ABCA2: variants seen among roughly 807,000 people sequenced by gnomAD.
ABCA2 encodes the protein ATP-binding cassette sub-family A member 2.
Under a neutral mutation model 262.8 loss-of-function variants are expected in ABCA2, and 84 were observed. The ratio of observed to expected loss-of-function variants is 0.32; its 90% CI spans 0.27 to 0.38. ABCA2 has a LOEUF of 0.38. Ranked by LOEUF, ABCA2 falls within the 10% of genes least tolerant of loss-of-function variation. The pLI, the probability that ABCA2 is intolerant of heterozygous loss-of-function variation, is 1.00. For missense variants in ABCA2, 2,662 were observed against 3,405.9 expected, an observed-to-expected ratio of 0.78 and a Z score of 5.44; for synonymous variants, 1,696 against 1,502.9, an observed-to-expected ratio of 1.13 and a Z score of -2.97.
At position 137,015,948 on chromosome 9, in the gene ABCA2, C is replaced by T. The variant is rs530458991; in HGVS notation, c.3317+14G>A. 4 of 515,808 alleles carry T rather than the reference C, an allele frequency of 7.8e-6. No individual in the cohort carries two copies. Among genetic ancestry groups the T allele is most frequent in the East Asian group, 1.1e-4 (2 of 17,482 alleles). The allele number at this position is 515,808 out of a possible 1,614,324, so 32.0% of individuals were successfully genotyped here. ...CTCCGCCCACCTGCCCCGCCCCCCG[C>T]CCAGCCCACCCACTTGTCCATCTCT... On this transcript the variant is annotated intron_variant, in intron 22 of 48. Transcript: ENST00000341511.
Position 137,008,487 on chromosome 9 carries a change from CCCGGAG to C in ABCA2, c.7198_7203del (p.Leu2400_Arg2401del). 2 of 1,573,004 alleles carry C rather than the reference CCCGGAG, an allele frequency of 1.3e-6. No homozygotes were observed. Among genetic ancestry groups the C allele is most frequent in the Non-Finnish European group, 1.7e-6 (2 of 1,159,750 alleles). ...TCCTCGGGCTCGTCTGCCACAAGTG[CCCGGAG>C]CTCCGTGGGGGCAGACCGGGGCCGG... On this transcript the variant is annotated inframe_deletion, in exon 48 of 49. Transcript: ENST00000341511.
chr9:137,022,343 T>TGCCTTACCTCGGGCGGGTCCAC lies in ABCA2; in HGVS notation c.553_567+7dup. 6.3e-7 allele frequency: 1 copy of TGCCTTACCTCGGGCGGGTCCAC among 1,597,394 alleles called. No homozygotes were observed. Among genetic ancestry groups the TGCCTTACCTCGGGCGGGTCCAC allele is most frequent in the Non-Finnish European group, 8.5e-7 (1 of 1,172,706 alleles). On this transcript the variant is annotated splice_region_variant and intron_variant, in intron 6 of 48. Coordinates refer to ENST00000341511, the MANE Select transcript of ABCA2 (RefSeq NM_001606.5). Reference sequence around the variant, plus strand: ...AGTGGCCAGGGCTGGGAGCTGTCCCTGCCTTACCTCGGGCGGGTCCACACG... The same window carrying TGCCTTACCTCGGGCGGGTCCAC: ...AGTGGCCAGGGCTGGGAGCTGTCCCTGCCTTACCTCGGGCGGGTCCACGCCTTACCTCGGGCGGGTCCACACG...
At position 137,008,406 on chromosome 9, in the gene ABCA2, GC is replaced by G. The variant is rs560438421; in HGVS notation, c.7275+9del. The stretch of plus-strand genomic sequence containing the variant: ...AGAGCCCTGGACAGCCATGAGAGCA[GC>G]CTGCTCACCCGCTCCTCCTCGAAGC... On this transcript the variant is annotated intron_variant, in intron 48 of 48. Transcript: ENST00000341511. 1,051 of 1,549,356 alleles carry G rather than the reference GC, an allele frequency of 6.8e-4. 7 individuals carry two copies. The South Asian group carries it at 8.2e-3, about 12-fold the overall frequency.
In ABCA2 at chr9:137,016,663, G is replaced by T; in HGVS notation, c.2834C>A (p.Ala945Asp). ...SYWLGSGRTE[A>D]WEWSWPWART... ...TGCCCACGGCCAGCTCCACTCCCAG[G>T]CTTCTGTCCGCCCACTGCCCAGCCA... The change falls in exon 20 of 49, where the codon GCC becomes GAC. Residue 945 changes from alanine (A) to aspartate (D), a missense_variant. By Grantham distance (126) the Ala-to-Asp change is moderately radical. This residue lies in a region of ABCA2 where 133 missense variants were observed against 150.8 expected (regional missense o/e 0.88). Coordinates refer to ENST00000341511, the MANE Select transcript of ABCA2 (RefSeq NM_001606.5). 1 of 1,602,858 alleles carries T rather than the reference G, an allele frequency of 6.2e-7. No individual in the cohort carries two copies.
At position 137,024,156 on chromosome 9, in the gene ABCA2, G is replaced by A. The variant is rs1328993409; in HGVS notation, c.147C>T (p.Ile49=). Reference sequence around the variant, plus strand: ...TGCCGCACTCACCTTCCTTCACGGAGATGGTGGGCTTCTTCTGTCGCAGCC... The same window carrying A: ...TGCCGCACTCACCTTCCTTCACGGAAATGGTGGGCTTCTTCTGTCGCAGCC... The part of the protein sequence containing the change: ...LLGLRQKKPT[I]SVKEVSFYTA... The change falls in exon 2 of 49, where the codon ATC becomes ATT. Residue 49 remains isoleucine (I), a synonymous_variant. Transcript: ENST00000341511. 1 of 1,610,532 alleles carries A rather than the reference G, an allele frequency of 6.2e-7. No homozygotes were observed. Among genetic ancestry groups the A allele is most frequent in the Admixed American group, 1.7e-5 (1 of 59,564 alleles).
intron 45 of ABCA2, 122 bp downstream of exon 45, chr9:137,009,248 G>GGC: frequency 3.3e-6 from 2 of 612,442 alleles, no homozygotes; most frequent in East Asian, 3.7e-5. Context: ...CAGCCCCAGT[G>GGC]CCCCCAGCCC....
chr9:137,020,264 C>G (rs567232645), intron 10 of ABCA2, 72 bp downstream of exon 10: 3 of 1,592,020 alleles, frequency 1.9e-6, no homozygotes, highest in Non-Finnish European at 2.6e-6. Flanking sequence ...ACCCTCTGCC[C>G]AGGGGTCCCA....
At chr9:137,022,551 G>A (rs1206527065) in intron 5 of ABCA2, 73 bp from the exon 6 acceptor site, 11 of 1,576,088 alleles carry the variant, frequency 7.0e-6, no homozygotes, top group African/African-American at 2.7e-5. Flanking sequence ...GCTCGGAGCC[G>A]AGCCCAACAC....
intron 3 of ABCA2, chr9:137,023,353 T>G: frequency 1.5e-6 from 1 of 685,318 alleles, no homozygotes; most frequent in South Asian, 1.5e-5. Flanking sequence ...CCTGGCACTC[T>G]CCCCCCGAAA....
At position 137,021,482 on chromosome 9, in the gene ABCA2, G is replaced by A; in HGVS notation, c.807C>T (p.Cys269=). Residue 269 remains cysteine (C), a synonymous_variant, in exon 8 of 49, where the codon TGC becomes TGT. Coordinates refer to ENST00000341511, the MANE Select transcript of ABCA2 (RefSeq NM_001606.5). This position sits in a 1 kb window ranked among gnomAD's most constrained non-coding sequence, Gnocchi z 6.0. ...TGGCACGCGCAGCAGCCTGCCCACT[G>A]CAGACAGCATCCCGGTAGCCCTGCA... The part of the protein sequence containing the change: ...GALQGYRDAV[C]SGQAAARARR... 1 of 1,611,630 alleles carries A rather than the reference G, an allele frequency of 6.2e-7. No individual in the cohort carries two copies.
chr9:137,009,507 T>C (rs563474711), intron 44 of ABCA2, 34 bp downstream of exon 44: 3 of 1,294,410 alleles, frequency 2.3e-6, no homozygotes, highest in Non-Finnish European at 3.4e-6. Flanking sequence ...TGCTGTGGGG[T>C]GGGGGCACAA....
chr9:137,016,633 G>T lies in ABCA2; in HGVS notation c.2864C>A (p.Thr955Asn), dbSNP rs1831268828. 6 of 1,611,014 alleles carry T rather than the reference G, an allele frequency of 3.7e-6. No individual in the cohort carries two copies. The highest frequency in any genetic ancestry group is 1.1e-5 in the South Asian group (1 of 90,996). ...CTCCTCCATGACACTGAGGCGGGGG[G>T]TGCGTGCCCACGGCCAGCTCCACTC... is the stretch of plus-strand genomic sequence containing the variant. Reference protein sequence around the residue: ...AWEWSWPWARTPRLSVMEEDQ... With the variant: ...AWEWSWPWARNPRLSVMEEDQ... Residue 955 changes from threonine (T) to asparagine (N), a missense_variant, in exon 20 of 49, where the codon ACC (threonine) becomes AAC (asparagine). This residue lies in a region of ABCA2 where 133 missense variants were observed against 150.8 expected (regional missense o/e 0.88). Transcript: ENST00000341511.
chr9:137,008,601 T>G lies in ABCA2; in HGVS notation c.7090A>C (p.Lys2364Gln). Residue 2364 changes from lysine (K) to glutamine (Q), a missense_variant, in exon 48 of 49, where the codon AAG becomes CAG. Coordinates refer to ENST00000341511, the MANE Select transcript of ABCA2 (RefSeq NM_001606.5). ...TGCTGCTCCAGGTTGTCACTCTGCT[T>G]CTTGGCAAAGTTCACGAACACCTGG... is the stretch of plus-strand genomic sequence containing the variant. ...LDNVFVNFAK[K>Q]QSDNLEQQET... is the part of the protein sequence containing the mutation. 1 of 1,609,550 alleles carries G rather than the reference T, an allele frequency of 6.2e-7. No individual in the cohort carries two copies. Among genetic ancestry groups the G allele is most frequent in the South Asian group, 1.1e-5 (1 of 90,304 alleles).
In ABCA2 at chr9:137,013,107, T is replaced by C; in HGVS notation, c.4762A>G (p.Asn1588Asp). ...ESFTQGLPLS[N>D]FVPPPPSPAP... Reference sequence around the variant, plus strand: ...GGCGAGGGTGGGGGTGGCACGAAATTGGACAGTGGCAGCCCCTGTGTGAAG... The same window carrying C: ...GGCGAGGGTGGGGGTGGCACGAAATCGGACAGTGGCAGCCCCTGTGTGAAG... Residue 1588 changes from asparagine to aspartate, a missense_variant, in exon 30 of 49, where the codon AAT becomes GAT. Physicochemically the swap from Asn to Asp is conservative, Grantham distance 23 (BLOSUM62 1). Around this residue, in one of 12 missense-constraint regions of ABCA2, gnomAD observed 192 missense variants for 207.2 expected, o/e 0.93. Coordinates refer to ENST00000341511, the MANE Select transcript of ABCA2 (RefSeq NM_001606.5). 6.3e-7 allele frequency: 1 copy of C among 1,590,886 alleles called. No individual in the cohort carries two copies. The highest frequency in any genetic ancestry group is 8.5e-7 in the Non-Finnish European group (1 of 1,171,208).
chr9:137,008,546 G>A lies in ABCA2; in HGVS notation c.7145C>T (p.Ser2382Phe). 6.2e-7 allele frequency: 1 copy of A among 1,605,396 alleles called. No individual in the cohort carries two copies. The highest frequency in any genetic ancestry group is 2.2e-5 in the East Asian group (1 of 44,594). ...QETEPPSALQ[S>F]PLGCLLSLLR... Reference sequence around the variant, plus strand: ...CAGGCTGAGCAAGCAGCCGAGAGGGGACTGCAGTGCGGATGGCGGCTCCGT... The same window carrying A: ...CAGGCTGAGCAAGCAGCCGAGAGGGAACTGCAGTGCGGATGGCGGCTCCGT... The change falls in exon 48 of 49, where the codon TCC (serine) becomes TTC (phenylalanine). Residue 2382 changes from serine (S) to phenylalanine (F), a missense_variant. By Grantham distance (155) the Ser-to-Phe change is radical. This residue lies in a region of ABCA2 where 212 missense variants were observed against 214.4 expected (regional missense o/e 0.99). Coordinates refer to ENST00000341511, the MANE Select transcript of ABCA2 (RefSeq NM_001606.5).
chr9:137,028,818 A>G, upstream of ABCA2: 3 of 1,300,174 alleles, frequency 2.3e-6, no homozygotes, highest in Non-Finnish European at 3.0e-6. The surrounding 1 kb of genome is among the most constrained non-coding windows in gnomAD (Gnocchi z 6.9). Flanking sequence ...CCGTGAGCGG[A>G]GCAGGCAGGG....
chr9:137,009,035 C>T lies in ABCA2; in HGVS notation c.6846G>A (p.Met2282Ile). ...HLKNRFGDGY[M>I]ITVRTKSSQS... ...GGCTGCTCTTGGTCCGCACCGTGAT[C>T]ATGTAGCCATCTCCAAACCTGGTGG... Residue 2282 changes from methionine (M) to isoleucine (I), a missense_variant, in exon 46 of 49, where the codon ATG becomes ATA. Transcript: ENST00000341511. 1 of 1,607,890 alleles carries T rather than the reference C, an allele frequency of 6.2e-7. No homozygotes were observed. Among genetic ancestry groups the T allele is most frequent in the Non-Finnish European group, 8.5e-7 (1 of 1,179,762 alleles).
At position 137,022,494 on chromosome 9, in the gene ABCA2, G is replaced by A; in HGVS notation, c.440-16C>T. 1 of 1,609,028 alleles carries A rather than the reference G, an allele frequency of 6.2e-7. No homozygotes were observed. Among genetic ancestry groups the A allele is most frequent in the Non-Finnish European group, 8.5e-7 (1 of 1,178,140 alleles). ...AAGGAAGACACTGGACAGGCAGGAAGGCGAGGCTGAGAGGCCGCTGCACCT... is the reference window on the plus strand; with the variant it reads ...AAGGAAGACACTGGACAGGCAGGAAAGCGAGGCTGAGAGGCCGCTGCACCT... On this transcript the variant is annotated splice_polypyrimidine_tract_variant and intron_variant, in intron 5 of 48. Transcript: ENST00000341511.
intron 9 of ABCA2, 55 bp downstream of exon 9, chr9:137,020,639 T>C: frequency 6.3e-7 from 1 of 1,586,584 alleles, no homozygotes; most frequent in Admixed American, 1.7e-5. Flanking sequence ...GATTCAGGGC[T>C]CACGCCCTGC....
Sources: allele counts gnomAD v4.1 joint callset, GRCh38; gene constraint gnomAD v4.1.1; regional missense constraint gnomAD v4.1.1; non-coding constraint Gnocchi (gnomAD v3.1); transcripts MANE v1.5; gene names NCBI Gene and HGNC (gene_info 2026-07-23, HGNC 2026-07-21).